DSE: variants seen among roughly 807,000 people sequenced by gnomAD.
DSE encodes dermatan-sulfate epimerase.
Under a neutral mutation model 84.4 loss-of-function variants are expected in DSE, and 36 were observed. The observed-to-expected ratio is 0.43, with a 90% CI of 0.33 to 0.56. The LOEUF is 0.56. Among genes scored for constraint, DSE ranks in the 20% least tolerant of loss-of-function variants. DSE has a pLI of 0.06. For synonymous variants in DSE, 410 were observed against 430.1 expected (o/e 0.95, Z 0.58); for missense variants, 862 against 1,169.6 (o/e 0.74, Z 3.84).
chr6:116,254,188 C>T (rs1392132006), exon 1 of DSE: 2 of 732,468 alleles, frequency 2.7e-6, no homozygotes, highest in Non-Finnish European at 2.4e-6. Context: ...CGGTTGACTA[C>T]GCTTATCAAT....
chr6:116,420,849 G>A (rs1472343607), intron 2 of DSE, among the ~76,000 whole-genome samples: 1 of 151,964 alleles, frequency 6.6e-6, no homozygotes, highest in African/African-American at 2.4e-5. Flanking sequence ...TTGTTTTTAG[G>A]GTTCCTTTTA....
chr6:116,401,290 CAT>C (rs1781577094), intron 2 of DSE: 1 of 152,196 alleles, frequency 6.6e-6, no homozygotes, highest in South Asian at 2.1e-4. Flanking sequence ...ATAATTTTTA[CAT>C]AGTTTCCACA....
At chr6:116,342,160 G>A (rs2252790) in intron 2 of DSE, among the ~76,000 whole-genome samples, 115,074 of 151,990 alleles carry the variant, frequency 0.76, 44,826 homozygotes, top group East Asian at 1. Context: ...TATGGGTCAC[G>A]TAATCTTGGT....
intron 2 of DSE, among the ~76,000 whole-genome samples, chr6:116,351,035 C>T (rs546242219): frequency 6.4e-4 from 97 of 152,138 alleles, no homozygotes; most frequent in Non-Finnish European, 1.2e-3. Flanking sequence ...TTAAAAAGCT[C>T]CCAAATTGAC....
At chr6:116,345,019 CAAAG>C (rs368490284) in intron 2 of DSE, among the ~76,000 whole-genome samples, 213 of 152,240 alleles carry the variant, frequency 1.4e-3, no homozygotes, top group African/African-American at 4.7e-3. Flanking sequence ...TCAAAAGAGA[CAAAG>C]AAGACCATTA....
rs1244216867 is a variant in DSE, at chr6:116,439,479, A to C, written c.*2134A>C. 6.6e-6 allele frequency: 1 copy of C among 151,382 alleles called. No individual in the cohort carries two copies. Among genetic ancestry groups the C allele is most frequent in the Non-Finnish European group, 1.5e-5 (1 of 67,900 alleles). 9.4% of individuals were successfully genotyped at this position (151,382 alleles called of 1,614,324 possible). ...CCTGGTATTTATTTCCTTAAAAAGA[A>C]ACTTCCTCAGGCAGTGACTTAAGTG... is the stretch of plus-strand genomic sequence containing the variant. On this transcript the variant is annotated 3_prime_UTR_variant, in exon 6 of 6. Transcript: ENST00000644252.
At chr6:116,404,693 T>G (rs962130385) in intron 2 of DSE, among the ~76,000 whole-genome samples, 2 of 152,274 alleles carry the variant, frequency 1.3e-5, no homozygotes, top group Admixed American at 6.5e-5. Context: ...AGTTTGTTAT[T>G]ATTACACAGG....
At chr6:116,370,636 T>C, upstream of DSE, 1 of 703,554 alleles carries the variant, frequency 1.4e-6, no homozygotes, top group Non-Finnish European at 1.7e-6. Flanking sequence ...CCTAAGAAAC[T>C]AGAACAAGTT....
At chr6:116,395,498 G>T (rs938595271) in intron 1 of DSE, among the ~76,000 whole-genome samples, 1 of 152,042 alleles carries the variant, frequency 6.6e-6, no homozygotes, top group African/African-American at 2.4e-5. Context: ...CCTTTGTTTC[G>T]GTAAGCATTT....
At chr6:116,279,841 G>A (rs1474934443) in intron 2 of DSE, 2 of 1,613,084 alleles carry the variant, frequency 1.2e-6, no homozygotes, top group Admixed American at 1.7e-5. Flanking sequence ...GTTGCTAACA[G>A]TCGGACCAAC....
intron 1 of DSE, among the ~76,000 whole-genome samples, chr6:116,390,641 A>G (rs1282972776): frequency 1.3e-5 from 2 of 152,224 alleles, no homozygotes; most frequent in African/African-American, 4.8e-5. Flanking sequence ...CATTAAGAAA[A>G]TCAACTAAAA....
chr6:116,441,036 T>C lies in DSE; in HGVS notation c.*3691T>C, dbSNP rs1248150533. On this transcript the variant is annotated 3_prime_UTR_variant, in exon 6 of 6. Transcript: ENST00000644252. ...TCTTTCTGCAGTTTATTTAATTTACTGGCAAAATGACGTATTTTTTTTTCA... is the reference window on the plus strand; with the variant it reads ...TCTTTCTGCAGTTTATTTAATTTACCGGCAAAATGACGTATTTTTTTTTCA... The C allele has an allele frequency of 6.6e-6, 1 of 152,210 alleles. No homozygotes were observed. The highest frequency in any genetic ancestry group is 2.4e-5 in the African/African-American group (1 of 41,460). The allele number at this position is 152,210 out of a possible 1,614,324, so 9.4% of individuals were successfully genotyped here.
At chr6:116,288,322 A>C (rs1774059202) in intron 2 of DSE, 1 of 152,164 alleles carries the variant, frequency 6.6e-6, no homozygotes, top group Non-Finnish European at 1.5e-5. Context: ...TATTTGTATT[A>C]TGCTAAAACT....
At chr6:116,347,137 A>G (rs985081203) in intron 2 of DSE, among the ~76,000 whole-genome samples, 3 of 152,230 alleles carry the variant, frequency 2.0e-5, no homozygotes, top group African/African-American at 7.2e-5. Flanking sequence ...AACAAATGGA[A>G]GAACATTCCA....
intron 2 of DSE, among the ~76,000 whole-genome samples, chr6:116,418,537 A>G (rs1782866737): frequency 6.6e-6 from 1 of 152,176 alleles, no homozygotes; most frequent in African/African-American, 2.4e-5. Flanking sequence ...GGCCCTGAGC[A>G]ACCACATGAG....
intron 2 of DSE, among the ~76,000 whole-genome samples, chr6:116,266,328 T>C (rs540776592): frequency 1.3e-4 from 20 of 152,220 alleles, no homozygotes; most frequent in African/African-American, 4.3e-4. Flanking sequence ...TAAGAGCCAT[T>C]TGAGGAAGGA....
intron 2 of DSE, chr6:116,278,112 C>T (rs1471784927): frequency 3.9e-6 from 1 of 254,050 alleles, no homozygotes; most frequent in Non-Finnish European, 7.9e-6. Context: ...GGCATGTGCC[C>T]ATACTGCTCA....
At chr6:116,321,529 C>T (rs1439675386) in intron 2 of DSE, among the ~76,000 whole-genome samples, 3 of 152,084 alleles carry the variant, frequency 2.0e-5, no homozygotes, top group African/African-American at 4.8e-5. Flanking sequence ...TGGCTCATGC[C>T]TGTAATCCCA....
intron 2 of DSE, among the ~76,000 whole-genome samples, chr6:116,261,649 G>A (rs912194220): frequency 3.3e-5 from 5 of 152,172 alleles, no homozygotes; most frequent in Admixed American, 3.3e-4. Context: ...AATAGGAGTG[G>A]AAAGAGCAGG....
Sources: allele counts gnomAD v4.1 joint callset (sites outside exome capture counted in the v4.1 genomes callset), GRCh38; gene constraint gnomAD v4.1.1; transcripts MANE v1.5; gene names NCBI Gene and HGNC (gene_info 2026-07-23, HGNC 2026-07-21).